The following AASDHPPT variants were observed in gnomAD, a reference collection of about 807,000 sequenced individuals.
The protein encoded by AASDHPPT is L-aminoadipate-semialdehyde dehydrogenase-phosphopantetheinyl transferase.
Under a neutral mutation model 36.4 loss-of-function variants are expected in AASDHPPT, and 23 were observed. The ratio of observed to expected loss-of-function variants is 0.63; its 90% CI spans 0.45 to 0.89. AASDHPPT has a LOEUF of 0.89. Among genes scored for constraint, AASDHPPT ranks in the 40% least tolerant of loss-of-function variants. The probability of loss-of-function intolerance (pLI) is 0.00; values close to 1 mark genes in which losing one functional copy is unlikely to be tolerated. For synonymous variants in AASDHPPT, 115 were observed against 128.0 expected (o/e 0.90, Z 0.68); for missense variants, 377 against 378.2 (o/e 1.00, Z 0.03).
chr11:106,090,504 CTT>C, intron 2 of AASDHPPT, 51 bp from the exon 3 acceptor site: 1 of 1,461,096 alleles, frequency 6.8e-7, no homozygotes, highest in Non-Finnish European at 9.2e-7. Flanking sequence ...AATAGAGCAA[CTT>C]TTTATTTTTT....
intron 2 of AASDHPPT, among the ~76,000 whole-genome samples, chr11:106,080,091 C>T (rs1271035588): frequency 2.0e-5 from 3 of 152,100 alleles, no homozygotes; most frequent in Non-Finnish European, 4.4e-5. Context: ...ATACAGTTGA[C>T]ACATGAACAA....
chr11:106,077,968 C>T (rs1861079720), intron 1 of AASDHPPT, 75 bp downstream of exon 1: 3 of 1,506,552 alleles, frequency 2.0e-6, no homozygotes, highest in East Asian at 2.4e-5. Flanking sequence ...TGTGGAGACC[C>T]GACACTCCCG....
In AASDHPPT at chr11:106,079,458, A is replaced by G. The variant is rs1861108379; in HGVS notation, c.184-9A>G. ...TCAGTACATACCAAATGTTTTATGT[A>G]CTTAACAGGCTGGTCGTCTGATGAT... On this transcript the variant is annotated splice_polypyrimidine_tract_variant and intron_variant, in intron 1 of 5. Coordinates refer to ENST00000278618, the MANE Select transcript of AASDHPPT (RefSeq NM_015423.3). 1.9e-6 allele frequency: 3 copies of G among 1,589,252 alleles called. No homozygotes were observed. In the African/African-American group the frequency reaches 4.0e-5, roughly 21 times the overall value.
intron 2 of AASDHPPT, among the ~76,000 whole-genome samples, chr11:106,083,302 G>A (rs749327408): frequency 2.6e-5 from 4 of 152,134 alleles, no homozygotes; most frequent in Non-Finnish European, 4.4e-5. Context: ...AGACTAGTGC[G>A]TAAGTACTAC....
intron 2 of AASDHPPT, chr11:106,086,051 C>G (rs1861193732): frequency 2.0e-5 from 3 of 152,198 alleles, no homozygotes; most frequent in Non-Finnish European, 4.4e-5. Flanking sequence ...AATTAAAACT[C>G]CGAAGGGTAC....
chr11:106,091,227 A>T, intron 3 of AASDHPPT, 89 bp from the exon 4 acceptor site: 1 of 1,186,846 alleles, frequency 8.4e-7, no homozygotes, highest in South Asian at 1.5e-5. Context: ...GTAGTATAGC[A>T]TTGAAACTCC....
intron 5 of AASDHPPT, 68 bp from the exon 6 acceptor site, chr11:106,096,675 T>C (rs779384111): frequency 5.4e-6 from 7 of 1,295,570 alleles, no homozygotes; most frequent in Non-Finnish European, 7.3e-6. Flanking sequence ...CTTATTTTCA[T>C]GATTATGAAA....
chr11:106,094,487 TAG>T lies in AASDHPPT; in HGVS notation c.694-84_694-83del, dbSNP rs1306773752. ...GAGTGTACGTATATGTATATATATATAGAGAGAGAGAGAATGAGATTTAGAAA... is the reference window on the plus strand; with the variant it reads ...GAGTGTACGTATATGTATATATATATAGAGAGAGAGAATGAGATTTAGAAA... On this transcript the variant is annotated intron_variant, in intron 4 of 5. Coordinates refer to ENST00000278618, the MANE Select transcript of AASDHPPT (RefSeq NM_015423.3). The T allele has an allele frequency of 5.9e-3, 4,543 of 770,772 alleles. 1 individual carries two copies. Among genetic ancestry groups the T allele is most frequent in the South Asian group, 7.4e-3 (355 of 48,228 alleles). The allele number at this position is 770,772 out of a possible 1,614,324, so 47.7% of individuals were successfully genotyped here. A position where few individuals can be genotyped will look rare whatever the true frequency, so the allele number is the denominator to read the frequency against.
At chr11:106,086,248 C>T (rs1037343471) in intron 2 of AASDHPPT, 3 of 152,188 alleles carry the variant, frequency 2.0e-5, no homozygotes, top group African/African-American at 7.2e-5. Flanking sequence ...AAGAAAGAAT[C>T]CTTCCTTGCT....
At chr11:106,092,859 T>C (rs559241243) in intron 4 of AASDHPPT, 1 of 152,214 alleles carries the variant, frequency 6.6e-6, no homozygotes, top group Non-Finnish European at 1.5e-5. Flanking sequence ...CACTGTAGGC[T>C]GATATAAGTA....
At position 106,098,628 on chromosome 11, in the gene AASDHPPT, T is replaced by A. The variant is rs1407811279; in HGVS notation, c.*1721T>A. 1.3e-5 allele frequency: 2 copies of A among 151,982 alleles called. No individual in the cohort carries two copies. The highest frequency in any genetic ancestry group is 2.9e-5 in the Non-Finnish European group (2 of 67,928). The allele number at this position is 151,982 out of a possible 1,614,324, so 9.4% of individuals were successfully genotyped here. Reference sequence around the variant, plus strand: ...GAAGTATTGTTATCCCTAGCATGAGTGTAATGGTGATATGAAAAACTTTGT... The same window carrying A: ...GAAGTATTGTTATCCCTAGCATGAGAGTAATGGTGATATGAAAAACTTTGT... On this transcript the variant is annotated 3_prime_UTR_variant, in exon 6 of 6. Coordinates refer to ENST00000278618, the MANE Select transcript of AASDHPPT (RefSeq NM_015423.3).
At chr11:106,093,728 A>G (rs1861280709) in intron 4 of AASDHPPT, 1 of 152,156 alleles carries the variant, frequency 6.6e-6, no homozygotes, top group African/African-American at 2.4e-5. Flanking sequence ...TCAGCTTTTA[A>G]GTGTTTACAA....
Position 106,088,606 on chromosome 11 carries a change from T to C in AASDHPPT, c.410-1951T>C, listed in dbSNP as rs1565411566. Among the ~76,000 whole-genome samples, 4 of 152,100 alleles carry C rather than the reference T, an allele frequency of 2.6e-5. No homozygotes were observed. In the South Asian group the frequency reaches 6.2e-4, roughly 24 times the overall value. ...CTTTTGTTACTTCAGAAGCTTTCTGTCTTTACTTTCTTTGAAGTGTTCTTT... is the reference window on the plus strand; with the variant it reads ...CTTTTGTTACTTCAGAAGCTTTCTGCCTTTACTTTCTTTGAAGTGTTCTTT... On this transcript the variant is annotated intron_variant, in intron 2 of 5. Transcript: ENST00000278618.
chr11:106,080,472 A>G (rs1359097418), intron 2 of AASDHPPT, among the ~76,000 whole-genome samples: 1 of 152,230 alleles, frequency 6.6e-6, no homozygotes, highest in Non-Finnish European at 1.5e-5. Context: ...TTTAAGGACC[A>G]CTAACATTTG....
intron 2 of AASDHPPT, among the ~76,000 whole-genome samples, chr11:106,084,248 A>G (rs1329549398): frequency 2.0e-5 from 3 of 152,164 alleles, no homozygotes; most frequent in Non-Finnish European, 4.4e-5. Flanking sequence ...CTTTTTGGAA[A>G]ATAATGTTAA....
intron 1 of AASDHPPT, 51 bp from the exon 2 acceptor site, chr11:106,079,416 T>A: frequency 6.9e-7 from 1 of 1,454,350 alleles, no homozygotes; most frequent in Non-Finnish European, 9.3e-7. Flanking sequence ...ACAGTGTGCT[T>A]GTATCTTTAG....
chr11:106,094,567 A>G lies in AASDHPPT; in HGVS notation c.694-16A>G, dbSNP rs779014124. 1.9e-6 allele frequency: 3 copies of G among 1,572,886 alleles called. No homozygotes were observed. Among genetic ancestry groups the G allele is most frequent in the African/African-American group, 2.7e-5 (2 of 72,900 alleles). On this transcript the variant is annotated splice_polypyrimidine_tract_variant and intron_variant, in intron 4 of 5. Transcript: ENST00000278618. ...CATATTTTATAATCTATATTTATTT[A>G]CCTTTTATCTTTCAGGAAAGCAAAA...
chr11:106,089,502 A>G (rs1861233010), intron 2 of AASDHPPT: 1 of 152,110 alleles, frequency 6.6e-6, no homozygotes, highest in Non-Finnish European at 1.5e-5. Context: ...GTATACACTT[A>G]GTAAATGTTT....
At chr11:106,078,457 GATTT>G (rs2135033736) in intron 1 of AASDHPPT, among the ~76,000 whole-genome samples, 2 of 152,274 alleles carry the variant, frequency 1.3e-5, no homozygotes, top group Non-Finnish European at 2.9e-5. Flanking sequence ...ATTTTACGTA[GATTT>G]ATTTATTTTA....
Sources: allele counts gnomAD v4.1 joint callset (sites outside exome capture counted in the v4.1 genomes callset), GRCh38; gene constraint gnomAD v4.1.1; transcripts MANE v1.5; gene names NCBI Gene and HGNC (gene_info 2026-07-23, HGNC 2026-07-21).